PTPRD: variants seen among roughly 807,000 people sequenced by gnomAD.
PTPRD encodes protein tyrosine phosphatase receptor type D.
PTPRD carries 34 observed loss-of-function variants against 214.5 expected under a neutral mutation model. The observed-to-expected ratio is 0.16, with a 90% CI of 0.12 to 0.21. PTPRD has a LOEUF of 0.21. Ranked by LOEUF, PTPRD falls within the 10% of genes least tolerant of loss-of-function variation. The pLI is 1.00. For synonymous variants in PTPRD, 1,128 were observed against 845.7 expected (o/e 1.33, Z -5.79); for missense variants, 2,545 against 2,398.7 (o/e 1.06, Z -1.27).
chr9:9,950,809 G>T (rs1341473505), intron 4 of PTPRD, among the ~76,000 whole-genome samples: 2 of 146,680 alleles, frequency 1.4e-5, no homozygotes, highest in Non-Finnish European at 3.0e-5. Flanking sequence ...AATCAATAAT[G>T]CATCTTTTTA....
At chr9:8,374,410 C>A (rs1285665388) in intron 39 of PTPRD, among the ~76,000 whole-genome samples, 3 of 151,858 alleles carry the variant, frequency 2.0e-5, no homozygotes, top group African/African-American at 4.8e-5. Context: ...GGCAGGAGAA[C>A]CAGAAGTCTA....
At chr9:8,748,539 AAG>A (rs1400052482) in intron 11 of PTPRD, among the ~76,000 whole-genome samples, 33 of 117,116 alleles carry the variant, frequency 2.8e-4, no homozygotes, top group Middle Eastern at 4.2e-3. Flanking sequence ...AAAAAAAAAA[AAG>A]AAAAAGAAAA....
At chr9:10,391,174 T>C (rs921080224) in intron 2 of PTPRD, among the ~76,000 whole-genome samples, 1 of 151,798 alleles carries the variant, frequency 6.6e-6, no homozygotes, top group Admixed American at 6.6e-5. Context: ...AATTCTCTTT[T>C]TAGGTATCTT....
At chr9:9,244,210 C>T (rs545651791) in intron 9 of PTPRD, among the ~76,000 whole-genome samples, 6 of 152,118 alleles carry the variant, frequency 3.9e-5, no homozygotes, top group East Asian at 1.9e-4. Context: ...GGCCATACTG[C>T]CCAAGGTAAT....
At chr9:9,583,386 T>G (rs1410768237) in intron 7 of PTPRD, among the ~76,000 whole-genome samples, 2 of 152,080 alleles carry the variant, frequency 1.3e-5, no homozygotes, top group African/African-American at 4.8e-5. Context: ...TTAAAATGTT[T>G]GATGCTGTAT....
chr9:9,538,714 T>C (rs1591078879), intron 8 of PTPRD, among the ~76,000 whole-genome samples: 2 of 151,876 alleles, frequency 1.3e-5, no homozygotes, highest in African/African-American at 4.8e-5. Flanking sequence ...TTGATACATA[T>C]ACGTCAATGA....
In PTPRD at chr9:9,317,219, C is replaced by T. The variant is rs139468705; in HGVS notation, c.-203+80230G>A. Among the ~76,000 whole-genome samples the T allele has an allele frequency of 2.8e-3, 421 of 152,228 alleles. 1 individual carries two copies. Among genetic ancestry groups the T allele is most frequent in the African/African-American group, 9.7e-3 (401 of 41,552 alleles). ...GTCCTCTGCTCACACTACAGGCTTT[C>T]CAAGAATGGCATTACTCATGCTTAT... On this transcript the variant is annotated intron_variant, in intron 9 of 45. Transcript: ENST00000381196.
intron 35 of PTPRD, among the ~76,000 whole-genome samples, chr9:8,430,656 C>A (rs2094983435): frequency 6.6e-6 from 1 of 151,954 alleles, no homozygotes; most frequent in South Asian, 2.1e-4. Context: ...TGGGGTAGTA[C>A]CTATAATTCT....
intron 11 of PTPRD, among the ~76,000 whole-genome samples, chr9:8,746,358 T>C (rs1166350542): frequency 1.3e-5 from 2 of 152,234 alleles, no homozygotes; most frequent in African/African-American, 4.8e-5. Context: ...AGTACGAAAA[T>C]TTCCTGCAGC....
chr9:8,499,860 TA>T lies in PTPRD; in HGVS notation c.2129-21del. ...TAGGAACTGGAACAACATCATTGGA[TA>T]AAAGAAATTATAGGCACTTGTCCCA... On this transcript the variant is annotated intron_variant, in intron 24 of 45. Transcript: ENST00000381196. The T allele has an allele frequency of 6.3e-7, 1 of 1,584,710 alleles. No individual in the cohort carries two copies.
At chr9:9,580,573 G>C (rs2035292480) in intron 7 of PTPRD, among the ~76,000 whole-genome samples, 1 of 124,456 alleles carries the variant, frequency 8.0e-6, no homozygotes, top group South Asian at 2.5e-4. Flanking sequence ...TTTTGAGACA[G>C]AGTCTTGCTC....
chr9:9,119,662 T>C (rs997708593), intron 10 of PTPRD, among the ~76,000 whole-genome samples: 6 of 152,026 alleles, frequency 3.9e-5, no homozygotes, highest in Admixed American at 1.3e-4. Flanking sequence ...TAGCTGGGAC[T>C]ACAGGCGCGT....
intron 11 of PTPRD, among the ~76,000 whole-genome samples, chr9:8,748,844 G>C (rs1487027465): frequency 6.6e-6 from 1 of 152,050 alleles, no homozygotes; most frequent in Admixed American, 6.6e-5. Context: ...CCAGGAGCGG[G>C]GGTTGTGGTA....
intron 10 of PTPRD, among the ~76,000 whole-genome samples, chr9:9,138,685 G>C (rs10759045): frequency 0.016 from 2,459 of 152,076 alleles, 84 homozygotes; most frequent in Admixed American, 0.067. Context: ...CAAATTGAAC[G>C]TTATGAGCAG....
At chr9:8,453,783 G>A (rs1364116557) in intron 33 of PTPRD, among the ~76,000 whole-genome samples, 2 of 152,174 alleles carry the variant, frequency 1.3e-5, no homozygotes, top group African/African-American at 4.8e-5. Flanking sequence ...GTCTGAGGCG[G>A]GGTCCAAGGG....
At chr9:10,005,535 T>A (rs372722682) in intron 4 of PTPRD, among the ~76,000 whole-genome samples, 5 of 152,110 alleles carry the variant, frequency 3.3e-5, no homozygotes, top group African/African-American at 1.2e-4. Flanking sequence ...TATCAGAAAG[T>A]CGAGAATTTA....
chr9:9,659,688 G>C (rs754120798), intron 7 of PTPRD, among the ~76,000 whole-genome samples: 30 of 152,070 alleles, frequency 2.0e-4, no homozygotes, highest in Non-Finnish European at 2.2e-4. Context: ...ACAATAAAAA[G>C]TCACTAAAAG....
At position 10,231,391 on chromosome 9, in the gene PTPRD, A is replaced by G. The variant is rs534207141; in HGVS notation, c.-545+109572T>C. ...GGATAATATAGGTCACTTAAGTGGA[A>G]AAAAAGTGCAATTACCTAAAAACCA... On this transcript the variant is annotated intron_variant, in intron 3 of 45. Transcript: ENST00000381196. Among the ~76,000 whole-genome samples the G allele has an allele frequency of 1.2e-4, 19 of 152,110 alleles. No homozygotes were observed. In the South Asian group the frequency reaches 1.5e-3, roughly 12 times the overall value.
At chr9:10,209,237 A>G (rs950386540) in intron 3 of PTPRD, among the ~76,000 whole-genome samples, 3 of 152,220 alleles carry the variant, frequency 2.0e-5, no homozygotes, top group Non-Finnish European at 4.4e-5. Flanking sequence ...GAAGTAAAAT[A>G]TCTAGGCAGA....
Sources: allele counts gnomAD v4.1 joint callset (sites outside exome capture counted in the v4.1 genomes callset), GRCh38; gene constraint gnomAD v4.1.1; transcripts MANE v1.5; gene names NCBI Gene and HGNC (gene_info 2026-07-23, HGNC 2026-07-21).